SEC14L6: variants seen among roughly 807,000 people sequenced by gnomAD.
SEC14L6 encodes the protein SEC14-like protein 6.
SEC14L6 carries 40 observed loss-of-function variants against 54.1 expected under a neutral mutation model. That is an observed-to-expected ratio of 0.74 (90% CI 0.57 to 0.96). SEC14L6 has a LOEUF of 0.96. Ranked by LOEUF, SEC14L6 falls within the 40% of genes least tolerant of loss-of-function variation. The pLI, the probability that SEC14L6 is intolerant of heterozygous loss-of-function variation, is 0.00. For synonymous variants in SEC14L6, 171 were observed against 198.4 expected (o/e 0.86, Z 1.16); for missense variants, 471 against 498.3 (o/e 0.95, Z 0.52).
rs748336975 is a variant in SEC14L6, at chr22:30,529,070, G to A, written c.664+17C>T. The A allele has an allele frequency of 4.9e-4, 750 of 1,541,746 alleles. 2 individuals are homozygous for A. Among genetic ancestry groups the A allele is most frequent in the Admixed American group, 1.0e-3 (52 of 50,930 alleles). On this transcript the variant is annotated intron_variant, in intron 8 of 11. Transcript: ENST00000402034. Reference sequence around the variant, plus strand: ...CAGGATCCAGGCTGGAAAAGAGGCCGCAGAGGGCTCACTCACCTCCGAGAA... The same window carrying A: ...CAGGATCCAGGCTGGAAAAGAGGCCACAGAGGGCTCACTCACCTCCGAGAA...
At chr22:30,529,839 G>A (rs755569463) in intron 6 of SEC14L6, among the ~76,000 whole-genome samples, 8 of 152,190 alleles carry the variant, frequency 5.3e-5, no homozygotes, top group Non-Finnish European at 1.0e-4. Flanking sequence ...CCTCCCACGT[G>A]AGTCAGACAA....
rs1198246510 is a variant in SEC14L6 at position 30,542,933 on chromosome 22, G to T, written c.54+3696C>A. 1.4e-5 allele frequency: 23 copies of T among 1,601,268 alleles called. No individual in the cohort carries two copies. In the East Asian group the frequency reaches 4.9e-4, roughly 34 times the overall value. ...CCAGCAGATGCCGGCACCTACTACT[G>T]TGTGAAGTTCCAGAAAGGGAGCCCT... On this transcript the variant is annotated intron_variant, in intron 1 of 11. Coordinates refer to ENST00000402034, the MANE Select transcript of SEC14L6 (RefSeq NM_001193336.4).
chr22:30,540,367 CTTTTTTTTTTTT>C (rs753718105), intron 1 of SEC14L6, among the ~76,000 whole-genome samples: 3 of 114,062 alleles, frequency 2.6e-5, no homozygotes, highest in Non-Finnish European at 5.3e-5. Flanking sequence ...CTTTTTGTTC[CTTTTTTTTTTTT>C]TTTTTTTTTT....
chr22:30,532,027 C>T (rs1261529727), intron 5 of SEC14L6, 29 bp from the exon 6 acceptor site: 1 of 1,545,906 alleles, frequency 6.5e-7, no homozygotes, highest in Admixed American at 2.0e-5. Flanking sequence ...GGGTGAGACC[C>T]TGTGAGGGCC....
At chr22:30,543,410 A>C in intron 1 of SEC14L6, 1 of 1,605,080 alleles carries the variant, frequency 6.2e-7, no homozygotes, top group East Asian at 2.2e-5. Context: ...TTCTACCCCC[A>C]GAGACTACAG....
At chr22:30,527,490 C>T (rs1041020445) in intron 8 of SEC14L6, among the ~76,000 whole-genome samples, 1 of 151,852 alleles carries the variant, frequency 6.6e-6, no homozygotes, top group Non-Finnish European at 1.5e-5. Flanking sequence ...AAAATGGGCA[C>T]ATTCACACAC....
intron 11 of SEC14L6, 113 bp from the exon 12 acceptor site, chr22:30,525,222 G>T: frequency 7.5e-7 from 1 of 1,333,542 alleles, no homozygotes; most frequent in Non-Finnish European, 1.0e-6. Context: ...ACAATTGAGA[G>T]CCCAGAGCCA....
intron 8 of SEC14L6, among the ~76,000 whole-genome samples, chr22:30,528,017 G>T (rs1166658159): frequency 6.6e-6 from 1 of 151,152 alleles, no homozygotes; most frequent in South Asian, 2.1e-4. Context: ...AGTGTTAATT[G>T]TAGTTCGCTG....
chr22:30,539,408 A>G (rs1386807866), intron 1 of SEC14L6, among the ~76,000 whole-genome samples: 3 of 152,220 alleles, frequency 2.0e-5, no homozygotes, highest in Non-Finnish European at 4.4e-5. Flanking sequence ...ACTAAACATC[A>G]GAGAGAATTA....
rs144815788 is a variant in SEC14L6 at position 30,526,512 on chromosome 22, C to G, written c.665-580G>C. Among the ~76,000 whole-genome samples the G allele has an allele frequency of 2.7e-4, 41 of 152,292 alleles. No individual in the cohort carries two copies. The East Asian group carries it at 7.1e-3, about 27-fold the overall frequency. ...CCCAGTACCCTCGGAGAGAGAAGGA[C>G]TGTATAAGCATGAAAGCGGTGGAAA... On this transcript the variant is annotated intron_variant, in intron 8 of 11. Coordinates refer to ENST00000402034, the MANE Select transcript of SEC14L6 (RefSeq NM_001193336.4).
intron 1 of SEC14L6, among the ~76,000 whole-genome samples, chr22:30,540,945 G>C (rs1292766426): frequency 6.6e-6 from 1 of 151,248 alleles, no homozygotes; most frequent in African/African-American, 2.4e-5. Context: ...CTTGAACCCA[G>C]AGAGCGGAGG....
chr22:30,540,950 C>T (rs529742211), intron 1 of SEC14L6, among the ~76,000 whole-genome samples: 29 of 150,602 alleles, frequency 1.9e-4, no homozygotes, highest in African/African-American at 6.6e-4. Context: ...ACCCAGAGAG[C>T]GGAGGCTGCA....
intron 6 of SEC14L6, among the ~76,000 whole-genome samples, chr22:30,531,568 T>C (rs556360952): frequency 6.6e-6 from 1 of 151,910 alleles, no homozygotes; most frequent in East Asian, 1.9e-4. Context: ...CTACTAAAAA[T>C]ACAAAATTAG....
At position 30,524,910 on chromosome 22, in the gene SEC14L6, G is replaced by T; in HGVS notation, c.*87C>A. 2.7e-6 allele frequency: 2 copies of T among 731,122 alleles called. No individual in the cohort carries two copies. The highest frequency in any genetic ancestry group is 4.9e-6 in the Non-Finnish European group (2 of 407,082). The allele number at this position is 731,122 out of a possible 1,614,324, so 45.3% of individuals were successfully genotyped here. A position where few individuals can be genotyped will look rare whatever the true frequency, so the allele number is the denominator to read the frequency against. The stretch of plus-strand genomic sequence containing the variant: ...TGTTGTAGAATCCCTGTTCCTGAGA[G>T]GTTGAACAGGGTCTGGCCAGGGAAG... On this transcript the variant is annotated 3_prime_UTR_variant, in exon 12 of 12. Transcript: ENST00000402034.
At chr22:30,528,425 T>C (rs1936854436) in intron 8 of SEC14L6, among the ~76,000 whole-genome samples, 2 of 140,040 alleles carry the variant, frequency 1.4e-5, no homozygotes, top group African/African-American at 5.5e-5. Context: ...TCGGCCTCTT[T>C]TTTTTTTTTT....
intron 1 of SEC14L6, among the ~76,000 whole-genome samples, chr22:30,541,207 T>G (rs1180470722): frequency 3.9e-5 from 6 of 152,088 alleles, no homozygotes; most frequent in African/African-American, 1.2e-4. Context: ...AAAATTTTTA[T>G]TTATTTTTTA....
chr22:30,543,163 G>C, intron 1 of SEC14L6: 1 of 1,603,816 alleles, frequency 6.2e-7, no homozygotes, highest in Non-Finnish European at 8.5e-7. Context: ...GACCAACGTG[G>C]ACCCCGCAAG....
In SEC14L6 at chr22:30,524,953, G is replaced by A. The variant is rs1568960079; in HGVS notation, c.*44C>T. On this transcript the variant is annotated 3_prime_UTR_variant, in exon 12 of 12. Transcript: ENST00000402034. ...CAGGGAAGGCTGTGAACTCATTGTG[G>A]ATTCAGAGATCAAAGAGGAGGGTGT... is the stretch of plus-strand genomic sequence containing the variant. 1 of 994,578 alleles carries A rather than the reference G, an allele frequency of 1.0e-6. No homozygotes were observed. Among genetic ancestry groups the A allele is most frequent in the Non-Finnish European group, 1.6e-6 (1 of 639,356 alleles). The allele number at this position is 994,578 out of a possible 1,614,324, so 61.6% of individuals were successfully genotyped here. A position where few individuals can be genotyped will look rare whatever the true frequency, so the allele number is the denominator to read the frequency against.
chr22:30,531,845 G>C (rs1020896326), intron 6 of SEC14L6, 58 bp downstream of exon 6: 14 of 1,238,738 alleles, frequency 1.1e-5, no homozygotes, highest in African/African-American at 1.5e-5. Flanking sequence ...CCAGCAAGTG[G>C]AGGGTAAAGA....
Sources: gnomAD v4.1 joint callset for allele counts (sites outside exome capture counted in the v4.1 genomes callset) on GRCh38, gnomAD v4.1.1 for gene constraint, MANE v1.5 for transcripts, NCBI Gene and HGNC (gene_info 2026-07-23, HGNC 2026-07-21) for gene names.